FAM217A: variants seen among roughly 807,000 people sequenced by gnomAD.
FAM217A encodes the protein family with sequence similarity 217 member A.
A neutral mutation model predicts 18.5 loss-of-function variants in FAM217A; 13 were observed. That is an observed-to-expected ratio of 0.70 (90% CI 0.46 to 1.12). The LOEUF is 1.12. FAM217A is among the 50% of genes most tolerant of loss of function. FAM217A has a pLI of 0.00. For missense variants in FAM217A, 560 were observed against 575.4 expected (o/e 0.97, Z 0.27); for synonymous variants, 161 against 202.8 (o/e 0.79, Z 1.75).
At position 4,078,577 on chromosome 6, in the gene FAM217A, T is replaced by C. The variant is rs372910451; in HGVS notation, c.-35+275A>G. ...TGGCGCTGCCTGGGGCCACCGGGTGTGTGTCAAGAAGGAGGGCATCCAGCT... is the reference window on the plus strand; with the variant it reads ...TGGCGCTGCCTGGGGCCACCGGGTGCGTGTCAAGAAGGAGGGCATCCAGCT... On this transcript the variant is annotated intron_variant, in intron 1 of 6. Transcript: ENST00000274673. 5.3e-4 allele frequency among the ~76,000 whole-genome samples: 81 copies of C among 152,146 alleles called. No homozygotes were observed. In the South Asian group the frequency reaches 0.017, roughly 32 times the overall value.
At chr6:4,072,422 C>A (rs180829071) in intron 6 of FAM217A, among the ~76,000 whole-genome samples, 1 of 148,292 alleles carries the variant, frequency 6.7e-6, no homozygotes, top group African/African-American at 2.5e-5. Context: ...ATGTAACAAA[C>A]CTGCAAGTTC....
chr6:4,078,883 G>A lies in FAM217A; in HGVS notation c.-66C>T. On this transcript the variant is annotated 5_prime_UTR_variant, in exon 1 of 7. Coordinates refer to ENST00000274673, the MANE Select transcript of FAM217A (RefSeq NM_173563.3). ...AAGGCCCACGTGTCCTCCCCGGCGT[G>A]CTCTCCCGGTGCGCCGCCCCGAGGC... is the stretch of plus-strand genomic sequence containing the variant. 1.8e-6 allele frequency: 1 copy of A among 560,640 alleles called. No individual in the cohort carries two copies. The highest frequency in any genetic ancestry group is 3.2e-6 in the Non-Finnish European group (1 of 311,114). The allele number at this position is 560,640 out of a possible 1,614,324, so 34.7% of individuals were successfully genotyped here.
intron 6 of FAM217A, among the ~76,000 whole-genome samples, chr6:4,070,537 C>CA (rs1296245589): frequency 6.6e-6 from 1 of 151,916 alleles, no homozygotes; most frequent in Non-Finnish European, 1.5e-5. Flanking sequence ...ATGAAAACTA[C>CA]AAAAAAGCCA....
chr6:4,082,924 C>G (rs1001909844), upstream of FAM217A, among the ~76,000 whole-genome samples: 19 of 152,184 alleles, frequency 1.2e-4, no homozygotes, highest in Non-Finnish European at 2.6e-4. Flanking sequence ...GTGCAGGCCA[C>G]CACGCCTGGC....
chr6:4,073,812 T>C (rs745864523), intron 4 of FAM217A, among the ~76,000 whole-genome samples: 6 of 152,200 alleles, frequency 3.9e-5, no homozygotes, highest in Non-Finnish European at 7.3e-5. Context: ...TTTCCACTAC[T>C]TCAGAACAAG....
At chr6:4,073,791 A>G (rs1769582184) in intron 4 of FAM217A, among the ~76,000 whole-genome samples, 1 of 152,236 alleles carries the variant, frequency 6.6e-6, no homozygotes, top group South Asian at 2.1e-4. Context: ...AGGATAAACA[A>G]AAAGATTAAT....
Position 4,068,821 on chromosome 6 carries a change from T to A in FAM217A, c.1402A>T (p.Thr468Ser). 1 of 1,614,178 alleles carries A rather than the reference T, an allele frequency of 6.2e-7. No homozygotes were observed. Among genetic ancestry groups the A allele is most frequent in the East Asian group, 2.2e-5 (1 of 44,876 alleles). ...EIKAPKRNFG[T>S]KKKLYRQNIV... ...TTTTGTCGGTAAAGTTTCTTTTTGG[T>A]CCCAAAGTTTCTCTTCGGTGCCTTA... is the stretch of plus-strand genomic sequence containing the variant. The change falls in exon 7 of 7, where the codon ACC (threonine) becomes TCC (serine). Residue 468 changes from threonine to serine, a missense_variant. Physicochemically the swap from Thr to Ser is moderately conservative, Grantham distance 58. Coordinates refer to ENST00000274673, the MANE Select transcript of FAM217A (RefSeq NM_173563.3).
chr6:4,083,557 CTTTTT>C (rs71001554), upstream of FAM217A, among the ~76,000 whole-genome samples: 10 of 139,922 alleles, frequency 7.1e-5, no homozygotes, highest in South Asian at 1.4e-3. Context: ...CTTTTCTTTT[CTTTTT>C]TTTTTTTGAG....
Position 4,073,435 on chromosome 6 carries a change from G to T in FAM217A, c.232C>A (p.Gln78Lys). The change falls in exon 5 of 7, where the codon CAG becomes AAG. Residue 78 changes from glutamine (Q) to lysine (K), a missense_variant and splice_region_variant. Transcript: ENST00000274673. ...GGGTATGAAGAATAAAATCCCACCT[G>T]TGTACTTTTTTGACTATGCACCGAC... Reference protein sequence around the residue: ...NLSVHSQKSTQNSKQGIFQLW... With the variant: ...NLSVHSQKSTKNSKQGIFQLW... 6.2e-7 allele frequency: 1 copy of T among 1,612,206 alleles called. No individual in the cohort carries two copies.
rs145915586 is a variant in FAM217A at position 4,074,628 on chromosome 6, G to A, written c.94C>T (p.Pro32Ser). ...LSHWNLDSEVPVSENKNLPAG... is the reference protein window; with the variant it reads ...LSHWNLDSEVSVSENKNLPAG... ...GGGAGGTTTTTATTTTCAGAAACAG[G>A]TACTTCTGAATCCAAATTCCAGTGA... Residue 32 changes from proline to serine, a missense_variant, in exon 3 of 7, where the codon CCT becomes TCT. Coordinates refer to ENST00000274673, the MANE Select transcript of FAM217A (RefSeq NM_173563.3). The A allele has an allele frequency of 5.4e-4, 866 of 1,613,292 alleles. No individual in the cohort carries two copies. Among genetic ancestry groups the A allele is most frequent in the Non-Finnish European group, 6.9e-4 (819 of 1,179,442 alleles).
At position 4,069,883 on chromosome 6, in the gene FAM217A, C is replaced by T. The variant is rs1219528331; in HGVS notation, c.340G>A (p.Val114Ile). The change falls in exon 7 of 7, where the codon GTA becomes ATA. Residue 114 changes from valine (V) to isoleucine (I), a missense_variant. Coordinates refer to ENST00000274673, the MANE Select transcript of FAM217A (RefSeq NM_173563.3). The part of the protein sequence containing the change: ...KKSSVETGFN[V>I]INHPIRVFTL... ...AAGACCCTTATAGGATGATTGATTACATTAAAGCCAGTTTCCACTGAAGAT... is the reference window on the plus strand; with the variant it reads ...AAGACCCTTATAGGATGATTGATTATATTAAAGCCAGTTTCCACTGAAGAT... 5 of 1,587,860 alleles carry T rather than the reference C, an allele frequency of 3.1e-6. No homozygotes were observed. The African/African-American group carries it at 5.4e-5, about 17-fold the overall frequency.
upstream of FAM217A, chr6:4,079,659 A>T (rs752159633): frequency 7.8e-6 from 10 of 1,284,490 alleles, no homozygotes; most frequent in African/African-American, 1.5e-4. Flanking sequence ...GCCTGCTCAC[A>T]TCAAGCCAGG....
At position 4,074,469 on chromosome 6, in the gene FAM217A, TA is replaced by T. The variant is rs746826445; in HGVS notation, c.146-14del. The T allele has an allele frequency of 6.9e-6, 11 of 1,587,210 alleles. No homozygotes were observed. The highest frequency in any genetic ancestry group is 9.5e-6 in the Non-Finnish European group (11 of 1,157,528). Reference sequence around the variant, plus strand: ...TTGTTAATTTTGCCTGAAATGTGTATAAAAAATGACAATTAATAGTTACATA... The same window carrying T: ...TTGTTAATTTTGCCTGAAATGTGTATAAAAATGACAATTAATAGTTACATA... On this transcript the variant is annotated splice_polypyrimidine_tract_variant and intron_variant, in intron 3 of 6. Coordinates refer to ENST00000274673, the MANE Select transcript of FAM217A (RefSeq NM_173563.3).
chr6:4,074,339 G>A (rs970246240), intron 4 of FAM217A, 104 bp downstream of exon 4: 1 of 922,722 alleles, frequency 1.1e-6, no homozygotes, highest in Non-Finnish European at 1.6e-6. Flanking sequence ...CTACAGAAAT[G>A]AAATTTAAAG....
chr6:4,070,953 AC>A (rs1769364170), intron 6 of FAM217A, among the ~76,000 whole-genome samples: 1 of 152,018 alleles, frequency 6.6e-6, no homozygotes, highest in African/African-American at 2.4e-5. Flanking sequence ...CCATGACTGC[AC>A]CACTACACCC....
At chr6:4,082,027 T>C (rs1386040186), upstream of FAM217A, among the ~76,000 whole-genome samples, 1 of 152,236 alleles carries the variant, frequency 6.6e-6, no homozygotes, top group African/African-American at 2.4e-5. Flanking sequence ...TCCTTTCATA[T>C]TATCACCCCC....
At chr6:4,072,993 C>G (rs1207713839) in intron 6 of FAM217A, among the ~76,000 whole-genome samples, 1 of 152,136 alleles carries the variant, frequency 6.6e-6, no homozygotes, top group African/African-American at 2.4e-5. Context: ...TACTACTTTC[C>G]TATTACAGTT....
chr6:4,073,329 C>T lies in FAM217A; in HGVS notation c.248G>A (p.Gly83Glu). The change falls in exon 6 of 7, where the codon GGG becomes GAG. Residue 83 changes from glycine (G) to glutamate (E), a missense_variant. Coordinates refer to ENST00000274673, the MANE Select transcript of FAM217A (RefSeq NM_173563.3). The part of the protein sequence containing the change: ...SQKSTQNSKQ[G>E]IFQLWNCPLN... ...AGGACAATTCCATAATTGAAAGATC[C>T]CTTGTTTACTATTCTGATGACAGAA... is the stretch of plus-strand genomic sequence containing the variant. 1 of 1,609,468 alleles carries T rather than the reference C, an allele frequency of 6.2e-7. No individual in the cohort carries two copies. The highest frequency in any genetic ancestry group is 2.2e-5 in the East Asian group (1 of 44,666).
rs1033775824 is a variant in FAM217A at position 4,079,030 on chromosome 6, C to G, written c.-213G>C. The G allele has an allele frequency of 4.8e-6, 2 of 416,154 alleles. No homozygotes were observed. The highest frequency in any genetic ancestry group is 8.5e-6 in the Non-Finnish European group (2 of 234,334). 25.8% of individuals were successfully genotyped at this position (416,154 alleles called of 1,614,324 possible). A position where few individuals can be genotyped will look rare whatever the true frequency, so the allele number is the denominator to read the frequency against. ...GCGGCCTTGAGCGCAGCCCGGTCGG[C>G]AGTGCAGGGCCTGCGAAGCCCGCGG... On this transcript the variant is annotated 5_prime_UTR_variant, in exon 1 of 7. Coordinates refer to ENST00000274673, the MANE Select transcript of FAM217A (RefSeq NM_173563.3).
Sources: allele counts gnomAD v4.1 joint callset (sites outside exome capture counted in the v4.1 genomes callset), GRCh38; gene constraint gnomAD v4.1.1; transcripts MANE v1.5; gene names NCBI Gene and HGNC (gene_info 2026-07-23, HGNC 2026-07-21).